GUCY1A2: variants seen among roughly 807,000 people sequenced by gnomAD.
The protein encoded by GUCY1A2 is guanylate cyclase 1 soluble subunit alpha 2.
A neutral mutation model predicts 63.5 loss-of-function variants in GUCY1A2; 27 were observed. That is an observed-to-expected ratio of 0.43 (90% confidence interval 0.31 to 0.59). The LOEUF is 0.59. GUCY1A2 is among the 20% of genes least tolerant of loss of function. The pLI, the probability that GUCY1A2 is intolerant of heterozygous loss-of-function variation, is 0.11. For synonymous variants in GUCY1A2, 364 were observed against 343.5 expected (o/e 1.06, Z -0.66); for missense variants, 768 against 913.3 (o/e 0.84, Z 2.05).
intron 4 of GUCY1A2, among the ~76,000 whole-genome samples, chr11:106,840,365 A>G (rs1012332827): frequency 2.6e-5 from 4 of 151,968 alleles, no homozygotes; most frequent in African/African-American, 7.2e-5. Flanking sequence ...TTTTGACAAT[A>G]CATGTTTGTA....
intron 4 of GUCY1A2, among the ~76,000 whole-genome samples, chr11:106,870,554 G>T (rs1859662999): frequency 1.3e-5 from 2 of 152,046 alleles, no homozygotes; most frequent in African/African-American, 4.8e-5. Flanking sequence ...GTTGTTACTT[G>T]TTTGTTTCCC....
At chr11:106,787,830 G>T (rs1413652080) in intron 5 of GUCY1A2, among the ~76,000 whole-genome samples, 1 of 151,854 alleles carries the variant, frequency 6.6e-6, no homozygotes, top group African/African-American at 2.4e-5. Context: ...ATTGTGAAGG[G>T]TACTACAATA....
At position 106,873,690 on chromosome 11, in the gene GUCY1A2, T is replaced by G. The variant is rs563645805; in HGVS notation, c.1207-63212A>C. The stretch of plus-strand genomic sequence containing the variant: ...TTAGACCTTTGTCAGATGGGTAGAT[T>G]GCAAAAATTTTCTCCCATTCCGTAG... On this transcript the variant is annotated intron_variant, in intron 4 of 7. Coordinates refer to ENST00000526355, the MANE Select transcript of GUCY1A2 (RefSeq NM_000855.3). Among the ~76,000 whole-genome samples, 25 of 152,306 alleles carry G rather than the reference T, an allele frequency of 1.6e-4. No individual in the cohort carries two copies. In the South Asian group the frequency reaches 5.2e-3, roughly 32 times the overall value.
chr11:106,909,798 T>G (rs1376337211), intron 4 of GUCY1A2, among the ~76,000 whole-genome samples: 1 of 151,974 alleles, frequency 6.6e-6, no homozygotes, highest in Non-Finnish European at 1.5e-5. Context: ...CCAATATGAA[T>G]AAAGCTGTCA....
intron 5 of GUCY1A2, among the ~76,000 whole-genome samples, chr11:106,796,204 T>G (rs1300875774): frequency 6.6e-6 from 1 of 152,244 alleles, no homozygotes; most frequent in Non-Finnish European, 1.5e-5. Context: ...TGTGTGTCTC[T>G]GCACATGAGA....
intron 4 of GUCY1A2, among the ~76,000 whole-genome samples, chr11:106,915,548 G>A (rs1860359801): frequency 1.4e-5 from 2 of 146,868 alleles, no homozygotes; most frequent in South Asian, 2.3e-4. Flanking sequence ...TTTGTAAAAT[G>A]TGGCTAGAAC....
intron 4 of GUCY1A2, among the ~76,000 whole-genome samples, chr11:106,919,610 G>A (rs1243449530): frequency 1.3e-5 from 2 of 152,144 alleles, no homozygotes; most frequent in Admixed American, 1.3e-4. Flanking sequence ...AGGTGAAGTG[G>A]TCAAGGAAGG....
intron 6 of GUCY1A2, chr11:106,746,747 G>C: frequency 3.4e-6 from 2 of 596,336 alleles, no homozygotes; most frequent in Non-Finnish European, 3.0e-6. Flanking sequence ...TGATTTTGTA[G>C]TTTATGGCCA....
chr11:106,897,880 A>G (rs1464762234), intron 4 of GUCY1A2, among the ~76,000 whole-genome samples: 1 of 152,122 alleles, frequency 6.6e-6, no homozygotes, highest in Non-Finnish European at 1.5e-5. Flanking sequence ...TTAAAAATCT[A>G]TGCTCCACAG....
At chr11:106,984,473 A>G (rs1463209400) in intron 2 of GUCY1A2, among the ~76,000 whole-genome samples, 1 of 152,230 alleles carries the variant, frequency 6.6e-6, no homozygotes, top group African/African-American at 2.4e-5. Flanking sequence ...TTTTCTGATT[A>G]TAGCAATATA....
intron 4 of GUCY1A2, among the ~76,000 whole-genome samples, chr11:106,811,557 A>AT (rs944869732): frequency 2.0e-5 from 3 of 152,102 alleles, no homozygotes; most frequent in Admixed American, 6.6e-5. Context: ...AAGCTAGTTG[A>AT]TAAAAACTGG....
intron 4 of GUCY1A2, among the ~76,000 whole-genome samples, chr11:106,826,144 C>T (rs894434853): frequency 1.3e-5 from 2 of 152,150 alleles, no homozygotes; most frequent in Admixed American, 6.5e-5. Context: ...GTTTAAAACA[C>T]AGAAATAAAT....
At chr11:106,998,832 G>A (rs1861574438) in intron 1 of GUCY1A2, among the ~76,000 whole-genome samples, 1 of 151,576 alleles carries the variant, frequency 6.6e-6, no homozygotes. Context: ...AAATTTAAAA[G>A]TATAATGCCA....
In GUCY1A2 at chr11:106,680,072, GTC is replaced by G. The variant is rs1431828821; in HGVS notation, c.*7475_*7476del. 4 of 215,320 alleles carry G rather than the reference GTC, an allele frequency of 1.9e-5. No homozygotes were observed. The highest frequency in any genetic ancestry group is 5.8e-5 in the Admixed American group (1 of 17,100). 13.3% of individuals were successfully genotyped at this position (215,320 alleles called of 1,614,324 possible). A position where few individuals can be genotyped will look rare whatever the true frequency, so the allele number is the denominator to read the frequency against. On this transcript the variant is annotated 3_prime_UTR_variant, in exon 8 of 8. Transcript: ENST00000526355. The stretch of plus-strand genomic sequence containing the variant: ...TACGGAAATTGCCTCTCCTTTAAGA[GTC>G]TCTACATCTTCCTGAATAAAAAACT...
intron 1 of GUCY1A2, among the ~76,000 whole-genome samples, chr11:107,016,313 G>T (rs772123457): frequency 6.6e-6 from 1 of 152,236 alleles, no homozygotes; most frequent in Non-Finnish European, 1.5e-5. Context: ...CAAGGTCAGG[G>T]TGAGCATAAA....
At chr11:106,692,442 A>G (rs1442998596) in intron 7 of GUCY1A2, among the ~76,000 whole-genome samples, 26 of 152,108 alleles carry the variant, frequency 1.7e-4, no homozygotes, top group Non-Finnish European at 2.9e-5. Context: ...GCTTGATTCC[A>G]TGGAGGTCCA....
intron 7 of GUCY1A2, 55 bp from the exon 8 acceptor site, chr11:106,687,811 A>C: frequency 8.4e-7 from 1 of 1,190,244 alleles, no homozygotes; most frequent in Non-Finnish European, 1.3e-6. Context: ...ATGTAAATAC[A>C]TGGACAGAAA....
At chr11:106,989,570 G>A (rs1258365951) in intron 1 of GUCY1A2, among the ~76,000 whole-genome samples, 1 of 152,012 alleles carries the variant, frequency 6.6e-6, no homozygotes, top group Non-Finnish European at 1.5e-5. Flanking sequence ...ACCCTCAGGA[G>A]TCTCATAATC....
chr11:106,851,894 T>C (rs1859360986), intron 4 of GUCY1A2, among the ~76,000 whole-genome samples: 1 of 152,048 alleles, frequency 6.6e-6, no homozygotes, highest in Non-Finnish European at 1.5e-5. Context: ...AGAATGTCAT[T>C]AATATTTTTG....
Sources: gnomAD v4.1 joint callset for allele counts (sites outside exome capture counted in the v4.1 genomes callset) on GRCh38, gnomAD v4.1.1 for gene constraint, MANE v1.5 for transcripts, NCBI Gene and HGNC (gene_info 2026-07-23, HGNC 2026-07-21) for gene names.